TP53BP1: variants seen among roughly 807,000 people sequenced by gnomAD.
The protein encoded by TP53BP1 is tumor protein p53 binding protein 1, also known as TP53-binding protein 1.
Under a neutral mutation model 200.8 loss-of-function variants are expected in TP53BP1, and 61 were observed. The observed-to-expected ratio is 0.30, with a 90% CI of 0.25 to 0.38. The LOEUF is 0.38. TP53BP1 is among the 10% of genes least tolerant of loss of function. The probability of loss-of-function intolerance (pLI) is 1.00; values close to 1 mark genes in which losing one functional copy is unlikely to be tolerated. For missense variants in TP53BP1, 2,144 were observed against 2,371.9 expected (o/e 0.90, Z 2.00); for synonymous variants, 822 against 844.3 (o/e 0.97, Z 0.46).
intron 12 of TP53BP1, among the ~76,000 whole-genome samples, chr15:43,447,855 A>C (rs1294096054): frequency 6.6e-6 from 1 of 152,250 alleles, no homozygotes; most frequent in African/African-American, 2.4e-5. Context: ...GACAGTTTCA[A>C]ATCAGAACAA....
At chr15:43,421,490 A>T (rs2045396920) in intron 19 of TP53BP1, among the ~76,000 whole-genome samples, 1 of 152,240 alleles carries the variant, frequency 6.6e-6, no homozygotes, top group African/African-American at 2.4e-5. Flanking sequence ...GCAAAGAATA[A>T]CAAAAAGCTA....
At chr15:43,501,387 T>C (rs973266510) in intron 1 of TP53BP1, among the ~76,000 whole-genome samples, 1 of 151,932 alleles carries the variant, frequency 6.6e-6, no homozygotes, top group Non-Finnish European at 1.5e-5. Context: ...CTAATTTTTC[T>C]TTCTTTTGTA....
intron 15 of TP53BP1, among the ~76,000 whole-genome samples, chr15:43,438,942 A>G (rs1031852603): frequency 6.6e-6 from 1 of 152,182 alleles, no homozygotes; most frequent in Non-Finnish European, 1.5e-5. Context: ...TGATAATAGT[A>G]ATACGGTTAA....
chr15:43,408,249 GGTT>G, intron 26 of TP53BP1, 161 bp from the exon 27 acceptor site: 1 of 726,646 alleles, frequency 1.4e-6, no homozygotes, highest in South Asian at 1.9e-5. Context: ...AGGCTGTCGT[GGTT>G]GGATCTCTTG....
At chr15:43,502,141 A>G (rs955078070) in intron 1 of TP53BP1, among the ~76,000 whole-genome samples, 8 of 152,062 alleles carry the variant, frequency 5.3e-5, no homozygotes, top group Admixed American at 1.3e-4. Context: ...CAATACAGGG[A>G]GGCCTTATCT....
intron 12 of TP53BP1, among the ~76,000 whole-genome samples, chr15:43,452,065 G>A (rs1418351357): frequency 6.6e-6 from 1 of 152,160 alleles, no homozygotes; most frequent in East Asian, 1.9e-4. Context: ...AACCTGGGAG[G>A]CGGAGGTTGC....
At position 43,404,707 on chromosome 15, in the gene TP53BP1, TG is replaced by T. The variant is rs1403721818; in HGVS notation, c.*2675del. ...GTGTGACCATCTTTAATAATTTTAA[TG>T]GAGGTTATTTTCTAGTAGAAGTCAT... On this transcript the variant is annotated 3_prime_UTR_variant, in exon 28 of 28. Coordinates refer to ENST00000382044, the MANE Select transcript of TP53BP1 (RefSeq NM_001141980.3). 4.2e-5 allele frequency: 33 copies of T among 792,932 alleles called. No individual in the cohort carries two copies. The highest frequency in any genetic ancestry group is 6.0e-5 in the Non-Finnish European group (31 of 517,442). The allele number at this position is 792,932 out of a possible 1,614,324, so 49.1% of individuals were successfully genotyped here. A position where few individuals can be genotyped will look rare whatever the true frequency, so the allele number is the denominator to read the frequency against.
intron 11 of TP53BP1, among the ~76,000 whole-genome samples, chr15:43,459,927 T>C (rs1287906384): frequency 6.6e-6 from 1 of 152,116 alleles, no homozygotes; most frequent in African/African-American, 2.4e-5. Context: ...AGCTGATGTG[T>C]GATTGCCTAG....
At chr15:43,422,513 C>T (rs189400197) in intron 18 of TP53BP1, among the ~76,000 whole-genome samples, 109 of 152,170 alleles carry the variant, frequency 7.2e-4, no homozygotes, top group Admixed American at 2.2e-3. Flanking sequence ...CTAACCTAGA[C>T]GACAGAAGTA....
chr15:43,407,791 G>T, intron 27 of TP53BP1, 152 bp downstream of exon 27: 1 of 843,150 alleles, frequency 1.2e-6, no homozygotes, highest in Non-Finnish European at 1.8e-6. Context: ...CTTCACTTAT[G>T]TTGACTCACC....
intron 15 of TP53BP1, among the ~76,000 whole-genome samples, chr15:43,440,036 T>C (rs1189674448): frequency 6.6e-6 from 1 of 152,172 alleles, no homozygotes; most frequent in East Asian, 1.9e-4. Context: ...CTCTAAGACA[T>C]AGCTAAGAAC....
At chr15:43,467,229 C>T (rs1456196732) in intron 11 of TP53BP1, among the ~76,000 whole-genome samples, 1 of 151,988 alleles carries the variant, frequency 6.6e-6, no homozygotes, top group Non-Finnish European at 1.5e-5. Flanking sequence ...CCACTCCTGG[C>T]TATTTTTGAC....
intron 4 of TP53BP1, among the ~76,000 whole-genome samples, chr15:43,487,396 G>GTT (rs2079061022): frequency 6.6e-6 from 1 of 152,146 alleles, no homozygotes; most frequent in Non-Finnish European, 1.5e-5. Context: ...CTCTAGAAAA[G>GTT]TTTGGCAGTT....
chr15:43,409,809 C>T (rs2045055298), intron 24 of TP53BP1, 68 bp from the exon 25 acceptor site: 1 of 715,190 alleles, frequency 1.4e-6, no homozygotes. Context: ...CTTATGCCTC[C>T]TTCTTACTGC....
In TP53BP1 at chr15:43,406,807, A is replaced by C. The variant is rs1262503218; in HGVS notation, c.*576T>G. On this transcript the variant is annotated 3_prime_UTR_variant, in exon 28 of 28. Coordinates refer to ENST00000382044, the MANE Select transcript of TP53BP1 (RefSeq NM_001141980.3). ...TACGGAAGGTCATTCCATCAAGCTT[A>C]TGGTCACTGTCCCTTCATGGCAGTT... The C allele has an allele frequency of 5.7e-6, 2 of 349,874 alleles. No homozygotes were observed. Among genetic ancestry groups the C allele is most frequent in the Admixed American group, 7.3e-5 (2 of 27,268 alleles). 21.7% of individuals were successfully genotyped at this position (349,874 alleles called of 1,614,324 possible).
rs1309269571 is a variant in TP53BP1 at position 43,404,645 on chromosome 15, A to G, written c.*2738T>C. 7.4e-7 allele frequency: 1 copy of G among 1,349,778 alleles called. No homozygotes were observed. The highest frequency in any genetic ancestry group is 1.0e-6 in the Non-Finnish European group (1 of 974,698). 83.6% of individuals were successfully genotyped at this position (1,349,778 alleles called of 1,614,324 possible). ...AGAACTGGAAGAAGACTTTAGTCCAAATACCCTCATTTTATAAGTAAGGCT... is the reference window on the plus strand; with the variant it reads ...AGAACTGGAAGAAGACTTTAGTCCAGATACCCTCATTTTATAAGTAAGGCT... On this transcript the variant is annotated 3_prime_UTR_variant, in exon 28 of 28. Coordinates refer to ENST00000382044, the MANE Select transcript of TP53BP1 (RefSeq NM_001141980.3).
At chr15:43,458,045 A>C (rs1334928727) in intron 11 of TP53BP1, among the ~76,000 whole-genome samples, 1 of 152,056 alleles carries the variant, frequency 6.6e-6, no homozygotes, top group Non-Finnish European at 1.5e-5. Flanking sequence ...AATACTAATA[A>C]TAATAAATAA....
chr15:43,455,494 G>T (rs1326425498), intron 12 of TP53BP1, among the ~76,000 whole-genome samples: 1 of 152,158 alleles, frequency 6.6e-6, no homozygotes, highest in Admixed American at 6.6e-5. Context: ...GCCAAGGCAG[G>T]TAGATCACTT....
upstream of TP53BP1, among the ~76,000 whole-genome samples, chr15:43,497,053 G>A (rs377594646): frequency 2.6e-5 from 4 of 152,180 alleles, no homozygotes; most frequent in African/African-American, 9.7e-5. Context: ...CAGACACAAA[G>A]TAGTTACTCT....
Sources: allele counts gnomAD v4.1 joint callset (sites outside exome capture counted in the v4.1 genomes callset), GRCh38; gene constraint gnomAD v4.1.1; transcripts MANE v1.5; gene names NCBI Gene and HGNC (gene_info 2026-07-23, HGNC 2026-07-21).